RUNDC3B: variants seen among roughly 807,000 people sequenced by gnomAD.
RUNDC3B encodes RUN domain containing 3B, also known as RUN domain-containing protein 3B.
RUNDC3B carries 33 observed loss-of-function variants against 58.4 expected under a neutral mutation model. The ratio of observed to expected loss-of-function variants is 0.56; its 90% CI spans 0.43 to 0.75. RUNDC3B has a LOEUF of 0.75. Ranked by LOEUF, RUNDC3B falls within the 30% of genes least tolerant of loss-of-function variation. RUNDC3B has a pLI of 0.00. For missense variants in RUNDC3B, 501 were observed against 535.7 expected (o/e 0.94, Z 0.64); for synonymous variants, 193 against 195.2 (o/e 0.99, Z 0.10).
chr7:87,699,657 T>G (rs1037851794), intron 2 of RUNDC3B, among the ~76,000 whole-genome samples: 8 of 152,214 alleles, frequency 5.3e-5, no homozygotes, highest in African/African-American at 1.9e-4. Flanking sequence ...CCACCCACCT[T>G]GGCCTTCCAA....
intron 2 of RUNDC3B, among the ~76,000 whole-genome samples, chr7:87,689,681 A>G (rs1827833351): frequency 6.6e-6 from 1 of 152,144 alleles, no homozygotes; most frequent in Admixed American, 6.6e-5. Context: ...TCATTTTAGG[A>G]GGGTATCATA....
rs1037051222 is a variant in RUNDC3B at position 87,742,554 on chromosome 7, C to T, written c.629+975C>T. Among the ~76,000 whole-genome samples, 26 of 150,830 alleles carry T rather than the reference C, an allele frequency of 1.7e-4. 1 individual carries two copies. Among genetic ancestry groups the T allele is most frequent in the South Asian group, 6.3e-4 (3 of 4,752 alleles). ...GTTAATGCATTCCTTTTTATGGCTG[C>T]GTAGTATTCCATCATAGATAAATAG... On this transcript the variant is annotated intron_variant, in intron 6 of 10. Coordinates refer to ENST00000394654, the MANE Select transcript of RUNDC3B (RefSeq NM_001134405.2).
intron 2 of RUNDC3B, among the ~76,000 whole-genome samples, chr7:87,682,335 C>T (rs567196332): frequency 6.6e-6 from 1 of 152,270 alleles, no homozygotes; most frequent in East Asian, 1.9e-4. Flanking sequence ...ATATTTTAAC[C>T]TCTTCTCATA....
intron 1 of RUNDC3B, among the ~76,000 whole-genome samples, chr7:87,633,902 A>G (rs1343861043): frequency 6.6e-6 from 1 of 152,156 alleles, no homozygotes; most frequent in Non-Finnish European, 1.5e-5. Flanking sequence ...GTAGTTTATA[A>G]AGAAAAGAGG....
chr7:87,801,733 C>T lies in RUNDC3B; in HGVS notation c.957-5640C>T, dbSNP rs1488403163. Among the ~76,000 whole-genome samples the T allele has an allele frequency of 3.3e-5, 5 of 152,122 alleles. No homozygotes were observed. The East Asian group carries it at 9.6e-4, about 29-fold the overall frequency. On this transcript the variant is annotated intron_variant, in intron 8 of 10. Coordinates refer to ENST00000394654, the MANE Select transcript of RUNDC3B (RefSeq NM_001134405.2). Reference sequence around the variant, plus strand: ...GCACTGAACTGAGATTGTGCCACTGCACTCCTGGGCGAAAGAGCAAGACTG... The same window carrying T: ...GCACTGAACTGAGATTGTGCCACTGTACTCCTGGGCGAAAGAGCAAGACTG...
At chr7:87,827,552 T>G (rs1837884764) in intron 10 of RUNDC3B, among the ~76,000 whole-genome samples, 1 of 152,106 alleles carries the variant, frequency 6.6e-6, no homozygotes, top group Non-Finnish European at 1.5e-5. Flanking sequence ...GATGGGTAGA[T>G]TTTAAACCAA....
chr7:87,741,389 G>T (rs1200040387), intron 5 of RUNDC3B, 110 bp from the exon 6 acceptor site: 1 of 567,438 alleles, frequency 1.8e-6, no homozygotes. Context: ...AAAAAAATTC[G>T]CTTGCCATTT....
chr7:87,671,531 A>G (rs1825823383), intron 2 of RUNDC3B, among the ~76,000 whole-genome samples: 1 of 152,214 alleles, frequency 6.6e-6, no homozygotes, highest in Admixed American at 6.5e-5. Flanking sequence ...CGGATTTTCT[A>G]GTACCTGGAG....
At chr7:87,683,232 GTCT>G (rs1335424810) in intron 2 of RUNDC3B, among the ~76,000 whole-genome samples, 1 of 152,130 alleles carries the variant, frequency 6.6e-6, no homozygotes, top group East Asian at 1.9e-4. Context: ...GGCTGGTTTG[GTCT>G]TCTATTCAGA....
At chr7:87,692,287 C>CA (rs976584029) in intron 2 of RUNDC3B, among the ~76,000 whole-genome samples, 34 of 151,736 alleles carry the variant, frequency 2.2e-4, no homozygotes, top group South Asian at 8.3e-4. Context: ...CTGGTCTCTA[C>CA]AAAAAAAACA....
intron 2 of RUNDC3B, among the ~76,000 whole-genome samples, chr7:87,671,874 T>C (rs1335242781): frequency 1.3e-5 from 2 of 152,088 alleles, no homozygotes; most frequent in African/African-American, 4.8e-5. Flanking sequence ...CTGGGAGCAC[T>C]GTCCTGGGAG....
chr7:87,791,183 A>G (rs1835503276), intron 8 of RUNDC3B, among the ~76,000 whole-genome samples: 1 of 152,194 alleles, frequency 6.6e-6, no homozygotes, highest in Non-Finnish European at 1.5e-5. Flanking sequence ...GTGGCATCAC[A>G]TATTTAAAGT....
rs1336753228 is a variant in RUNDC3B at position 87,830,739 on chromosome 7, G to T, written c.*709G>T. 1 of 151,238 alleles carries T rather than the reference G, an allele frequency of 6.6e-6. No homozygotes were observed. The highest frequency in any genetic ancestry group is 1.9e-4 in the East Asian group (1 of 5,184). The allele number at this position is 151,238 out of a possible 1,614,324, so 9.4% of individuals were successfully genotyped here. A position where few individuals can be genotyped will look rare whatever the true frequency, so the allele number is the denominator to read the frequency against. On this transcript the variant is annotated 3_prime_UTR_variant, in exon 11 of 11. Coordinates refer to ENST00000394654, the MANE Select transcript of RUNDC3B (RefSeq NM_001134405.2). The stretch of plus-strand genomic sequence containing the variant: ...GCAAAATGAATAAACTGTTTTCCAA[G>T]ATTTTCTTAAAAGATTATCAATTTA...
At chr7:87,636,532 A>G (rs1191610441) in intron 1 of RUNDC3B, among the ~76,000 whole-genome samples, 1 of 152,126 alleles carries the variant, frequency 6.6e-6, no homozygotes, top group Non-Finnish European at 1.5e-5. Context: ...TTCACTCTGT[A>G]GTATGTTTTG....
At chr7:87,704,610 A>C (rs1829427549) in intron 3 of RUNDC3B, among the ~76,000 whole-genome samples, 1 of 152,226 alleles carries the variant, frequency 6.6e-6, no homozygotes, top group Non-Finnish European at 1.5e-5. Flanking sequence ...TATCTAGCAG[A>C]GAGTTAATAT....
intron 2 of RUNDC3B, among the ~76,000 whole-genome samples, chr7:87,673,382 A>G (rs900761024): frequency 1.3e-5 from 2 of 152,170 alleles, no homozygotes; most frequent in Non-Finnish European, 2.9e-5. Context: ...GTCTCTTTAC[A>G]TAATCCCATA....
chr7:87,651,505 C>T (rs1011274273), intron 2 of RUNDC3B, among the ~76,000 whole-genome samples: 2 of 151,978 alleles, frequency 1.3e-5, no homozygotes, highest in Admixed American at 1.3e-4. Flanking sequence ...AATATAGTTG[C>T]TAAAATTCAA....
intron 6 of RUNDC3B, among the ~76,000 whole-genome samples, chr7:87,759,158 A>G (rs1833540679): frequency 6.6e-6 from 1 of 152,228 alleles, no homozygotes; most frequent in Non-Finnish European, 1.5e-5. Context: ...AGCCACAAAA[A>G]GAATGAAATC....
chr7:87,762,647 C>T (rs1833756619), intron 6 of RUNDC3B, among the ~76,000 whole-genome samples: 1 of 151,318 alleles, frequency 6.6e-6, no homozygotes, highest in African/African-American at 2.4e-5. Context: ...AACTGTATTT[C>T]ATCTAATCTA....
Sources: gnomAD v4.1 joint callset for allele counts (sites outside exome capture counted in the v4.1 genomes callset) on GRCh38, gnomAD v4.1.1 for gene constraint, MANE v1.5 for transcripts, NCBI Gene and HGNC (gene_info 2026-07-23, HGNC 2026-07-21) for gene names.